The following DPYD variants were observed in gnomAD, a reference collection of about 807,000 sequenced individuals.
DPYD encodes the protein dihydropyrimidine dehydrogenase [NADP(+)].
A neutral mutation model predicts 116.2 loss-of-function variants in DPYD; 109 were observed. The ratio of observed to expected loss-of-function variants is 0.94; its 90% CI spans 0.80 to 1.10. The LOEUF is 1.10. Among genes scored for constraint, DPYD ranks in the 50% least tolerant of loss-of-function variants. DPYD has a pLI of 0.00. For synonymous variants in DPYD, 440 were observed against 432.0 expected, an observed-to-expected ratio of 1.02 and a Z score of -0.23; for missense variants, 1,302 against 1,254.5, an observed-to-expected ratio of 1.04 and a Z score of -0.57.
At chr1:97,091,863 T>C (rs1291935175) in intron 21 of DPYD, among the ~76,000 whole-genome samples, 3 of 152,196 alleles carry the variant, frequency 2.0e-5, no homozygotes, top group Admixed American at 6.5e-5. Flanking sequence ...GTATCAACAC[T>C]GCAGCCAGAA....
In DPYD at chr1:97,235,008, G is replaced by A. The variant is rs753715801; in HGVS notation, c.2300-14C>T. Reference sequence around the variant, plus strand: ...TGATTGCTGTCCCTACACAAAATCAGAATAATCAATGGTTAGCACACTGAC... The same window carrying A: ...TGATTGCTGTCCCTACACAAAATCAAAATAATCAATGGTTAGCACACTGAC... On this transcript the variant is annotated splice_polypyrimidine_tract_variant and intron_variant, in intron 18 of 22. Transcript: ENST00000370192. 6 of 1,614,030 alleles carry A rather than the reference G, an allele frequency of 3.7e-6. No homozygotes were observed. The South Asian group carries it at 5.5e-5, about 15-fold the overall frequency.
chr1:97,396,786 G>A (rs555310138), intron 14 of DPYD, among the ~76,000 whole-genome samples: 1 of 151,970 alleles, frequency 6.6e-6, no homozygotes, highest in African/African-American at 2.4e-5. Flanking sequence ...CCTTCTTGTA[G>A]TGCCATCCTA....
chr1:97,162,602 A>C (rs1220608049), intron 20 of DPYD, among the ~76,000 whole-genome samples: 1 of 151,762 alleles, frequency 6.6e-6, no homozygotes, highest in Non-Finnish European at 1.5e-5. Context: ...GCTACCAATG[A>C]CTTTCTTCAC....
chr1:97,750,536 T>C (rs1193919173), intron 3 of DPYD, among the ~76,000 whole-genome samples: 3 of 152,166 alleles, frequency 2.0e-5, no homozygotes, highest in Non-Finnish European at 4.4e-5. Flanking sequence ...AAACAAGACA[T>C]AGATGTTGAC....
At chr1:97,149,754 G>T (rs1654889327) in intron 20 of DPYD, among the ~76,000 whole-genome samples, 2 of 152,206 alleles carry the variant, frequency 1.3e-5, no homozygotes, top group South Asian at 4.1e-4. Flanking sequence ...CTTCTGAGAG[G>T]GAAGCTTTGT....
At chr1:97,763,283 G>A (rs1223751764) in intron 3 of DPYD, among the ~76,000 whole-genome samples, 3 of 151,874 alleles carry the variant, frequency 2.0e-5, no homozygotes, top group Admixed American at 6.6e-5. Context: ...TTAATAGGAG[G>A]GGATTAATAA....
At chr1:97,503,374 G>A (rs1679704450) in intron 13 of DPYD, among the ~76,000 whole-genome samples, 1 of 151,936 alleles carries the variant, frequency 6.6e-6, no homozygotes, top group Admixed American at 6.6e-5. Context: ...ACTATCAGGA[G>A]TATAACTGAG....
chr1:97,721,478 G>C (rs1369760343), intron 5 of DPYD, 32 bp downstream of exon 5: 1 of 1,609,432 alleles, frequency 6.2e-7, no homozygotes, highest in South Asian at 1.1e-5. Context: ...GGTGATGGTA[G>C]TGGGGGGATG....
chr1:97,492,625 A>G (rs979805686), intron 13 of DPYD, among the ~76,000 whole-genome samples: 1 of 152,208 alleles, frequency 6.6e-6, no homozygotes, highest in Non-Finnish European at 1.5e-5. Context: ...AGTTGATCAC[A>G]GAATGAGCAT....
At chr1:97,104,363 C>T (rs1009621624) in intron 20 of DPYD, among the ~76,000 whole-genome samples, 12 of 151,786 alleles carry the variant, frequency 7.9e-5, no homozygotes, top group African/African-American at 1.2e-4. Flanking sequence ...AGTAAAAAAT[C>T]GTACTTACAG....
At chr1:97,824,915 G>C (rs910709693) in intron 3 of DPYD, among the ~76,000 whole-genome samples, 1 of 151,920 alleles carries the variant, frequency 6.6e-6, no homozygotes. Context: ...TCTCAAATGC[G>C]CACATCAACT....
chr1:97,247,570 G>A (rs58261705), intron 18 of DPYD, among the ~76,000 whole-genome samples: 18,905 of 152,134 alleles, frequency 0.12, 1,502 homozygotes, highest in East Asian at 0.33. Flanking sequence ...GAGTAGGCAT[G>A]AATTTCTAAT....
At chr1:97,282,200 C>G (rs980763166) in intron 18 of DPYD, among the ~76,000 whole-genome samples, 1 of 152,084 alleles carries the variant, frequency 6.6e-6, no homozygotes, top group Non-Finnish European at 1.5e-5. Context: ...ACATCATACT[C>G]TCTGAGTGAG....
intron 4 of DPYD, among the ~76,000 whole-genome samples, chr1:97,728,973 G>A (rs778760878): frequency 6.6e-6 from 1 of 151,854 alleles, no homozygotes. Context: ...GGAGATAGAA[G>A]AATAGGTTTG....
chr1:97,683,868 A>G (rs184536715), intron 7 of DPYD, among the ~76,000 whole-genome samples: 6 of 151,614 alleles, frequency 4.0e-5, no homozygotes, highest in African/African-American at 1.2e-4. Flanking sequence ...TACACGGGGG[A>G]AAAAAACCTA....
chr1:97,323,897 G>A (rs1422349352), intron 16 of DPYD, among the ~76,000 whole-genome samples: 1 of 151,760 alleles, frequency 6.6e-6, no homozygotes, highest in Non-Finnish European at 1.5e-5. Context: ...CATTTCGCAA[G>A]TCTTTGAAAA....
intron 20 of DPYD, among the ~76,000 whole-genome samples, chr1:97,103,992 T>C (rs1442726807): frequency 6.6e-6 from 1 of 152,132 alleles, no homozygotes; most frequent in African/African-American, 2.4e-5. Flanking sequence ...TTAGGCTATT[T>C]AGTTTCAGCT....
At chr1:97,420,733 T>C (rs570665728) in intron 14 of DPYD, among the ~76,000 whole-genome samples, 2 of 152,088 alleles carry the variant, frequency 1.3e-5, no homozygotes, top group Non-Finnish European at 2.9e-5. Context: ...GGTTGTGAAA[T>C]ATTTTCTCAA....
chr1:97,144,197 G>T lies in DPYD; in HGVS notation c.2623-45565C>A, dbSNP rs554478486. ...CAAATGGGTACGCTTCCTTAATGCAGAGACATAGGCAAATGCCTTTCTTTC... is the reference window on the plus strand; with the variant it reads ...CAAATGGGTACGCTTCCTTAATGCATAGACATAGGCAAATGCCTTTCTTTC... On this transcript the variant is annotated intron_variant, in intron 20 of 22. Coordinates refer to ENST00000370192, the MANE Select transcript of DPYD (RefSeq NM_000110.4). 7.2e-5 allele frequency among the ~76,000 whole-genome samples: 11 copies of T among 152,330 alleles called. No individual in the cohort carries two copies. In the East Asian group the frequency reaches 1.4e-3, roughly 19 times the overall value.
Sources: gnomAD v4.1 joint callset for allele counts (sites outside exome capture counted in the v4.1 genomes callset) on GRCh38, gnomAD v4.1.1 for gene constraint, MANE v1.5 for transcripts, NCBI Gene and HGNC (gene_info 2026-07-23, HGNC 2026-07-21) for gene names.